PADI6: variants seen among roughly 807,000 people sequenced by gnomAD.
PADI6 encodes inactive protein-arginine deiminase type-6.
In PADI6, 66 loss-of-function variants were observed where a neutral mutation model predicts 78.2. The ratio of observed to expected loss-of-function variants is 0.84; its 90% confidence interval spans 0.69 to 1.04. The LOEUF (loss-of-function observed/expected upper bound fraction) is 1.04. Among genes scored for constraint, PADI6 ranks in the 50% least tolerant of loss-of-function variants. The pLI is 0.00. For missense variants in PADI6, 854 were observed against 866.1 expected, an observed-to-expected ratio of 0.99 and a Z score of 0.18; for synonymous variants, 397 against 346.9, an observed-to-expected ratio of 1.14 and a Z score of -1.60.
chr1:17,395,705 C>T, intron 13 of PADI6, 42 bp downstream of exon 13: 1 of 1,574,180 alleles, frequency 6.4e-7, no homozygotes, highest in Non-Finnish European at 8.7e-7. Context: ...TGGGGTCTTC[C>T]TTTTTCCAGG....
At chr1:17,395,301 T>A (rs1298135165) in intron 12 of PADI6, among the ~76,000 whole-genome samples, 194 bp downstream of exon 12, 2 of 151,744 alleles carry the variant, frequency 1.3e-5, no homozygotes, top group Admixed American at 1.3e-4. Context: ...CCTCCCGGAC[T>A]CAAGCAATTC....
chr1:17,375,400 T>G (rs776940235), intron 2 of PADI6, 27 bp from the exon 3 acceptor site: 1 of 1,600,038 alleles, frequency 6.2e-7, no homozygotes, highest in Non-Finnish European at 8.5e-7. Context: ...CAACACTGCC[T>G]ATGGTTTCGG....
rs1322708009 is a variant in PADI6 at position 17,398,769 on chromosome 1, C to G, written c.1773C>G (p.Phe591Leu). The G allele has an allele frequency of 6.2e-7, 1 of 1,611,558 alleles. No homozygotes were observed. ...ACATCATCGAGATTCCCCAGCTGTT[C>G]TGCTTGGAGAAGCTGACTAACATCC... ...EQDIIEIPQLFCLEKLTNIPS... is the reference protein window; with the variant it reads ...EQDIIEIPQLLCLEKLTNIPS... Residue 591 changes from phenylalanine to leucine, a missense_variant, in exon 15 of 16, where the codon TTC becomes TTG. Transcript: ENST00000619609.
intron 8 of PADI6, among the ~76,000 whole-genome samples, chr1:17,391,697 C>A (rs965270272): frequency 6.6e-6 from 1 of 152,202 alleles, no homozygotes. Context: ...GGCGTATAGT[C>A]CCAGCTACTG....
At chr1:17,377,237 C>T (rs1432010214) in intron 3 of PADI6, among the ~76,000 whole-genome samples, 2 of 152,198 alleles carry the variant, frequency 1.3e-5, no homozygotes, top group African/African-American at 4.8e-5. Flanking sequence ...ATCCTCCCGC[C>T]TCAGCCTCCC....
chr1:17,393,143 CAAAAG>C (rs1033161304), intron 9 of PADI6, among the ~76,000 whole-genome samples: 37 of 150,692 alleles, frequency 2.5e-4, no homozygotes, highest in African/African-American at 8.8e-4. Flanking sequence ...GAGACTGTCT[CAAAAG>C]AAAAAAAAAA....
At chr1:17,385,618 C>T (rs554718041) in intron 6 of PADI6, among the ~76,000 whole-genome samples, 50 of 152,070 alleles carry the variant, frequency 3.3e-4, no homozygotes, top group Non-Finnish European at 6.5e-4. Context: ...GAAATAAGGT[C>T]GTCGAAGAGA....
intron 4 of PADI6, among the ~76,000 whole-genome samples, chr1:17,380,739 G>A (rs2075065085): frequency 6.6e-6 from 1 of 152,148 alleles, no homozygotes; most frequent in Non-Finnish European, 1.5e-5. Flanking sequence ...TCTCCTAGAT[G>A]AGAGGATTAG....
Position 17,394,945 on chromosome 1 carries a change from T to C in PADI6, c.1338-6T>C. The C allele has an allele frequency of 1.2e-6, 2 of 1,606,512 alleles. No individual in the cohort carries two copies. Among genetic ancestry groups the C allele is most frequent in the South Asian group, 1.1e-5 (1 of 90,240 alleles). ...TCAAGAGCTGTTCTTTCCATCTTCCTTCTAGCGCAGAGGGCCGGGCCATGA... is the reference window on the plus strand; with the variant it reads ...TCAAGAGCTGTTCTTTCCATCTTCCCTCTAGCGCAGAGGGCCGGGCCATGA... On this transcript the variant is annotated splice_polypyrimidine_tract_variant and splice_region_variant and intron_variant, in intron 11 of 15. Coordinates refer to ENST00000619609, the MANE Select transcript of PADI6 (RefSeq NM_207421.4).
chr1:17,373,359 C>T, intron 2 of PADI6, 126 bp downstream of exon 2: 1 of 1,121,914 alleles, frequency 8.9e-7, no homozygotes, highest in Non-Finnish European at 1.3e-6. Context: ...CGTCTGATCT[C>T]ATCCAGTGTC....
intron 13 of PADI6, 50 bp downstream of exon 13, chr1:17,395,713 A>G (rs892517286): frequency 1.3e-6 from 2 of 1,568,498 alleles, no homozygotes; most frequent in African/African-American, 1.4e-5. Flanking sequence ...TCCTTTTTCC[A>G]GGGGTCCTTT....
intron 6 of PADI6, among the ~76,000 whole-genome samples, chr1:17,383,881 G>T (rs751494020): frequency 3.3e-5 from 5 of 151,758 alleles, no homozygotes; most frequent in African/African-American, 4.8e-5. Context: ...TGAGCACGGG[G>T]CTTATGCCTA....
At chr1:17,377,519 G>A (rs1470863458) in intron 3 of PADI6, among the ~76,000 whole-genome samples, 1 of 152,178 alleles carries the variant, frequency 6.6e-6, no homozygotes, top group Non-Finnish European at 1.5e-5. Context: ...TACCCAGCAT[G>A]ATCGCTTCGG....
chr1:17,380,032 C>A, intron 4 of PADI6, 45 bp downstream of exon 4: 1 of 1,580,660 alleles, frequency 6.3e-7, no homozygotes, highest in Non-Finnish European at 8.7e-7. Flanking sequence ...CCCTATAAGC[C>A]AAATCTGCCC....
rs748650699 is a variant in PADI6 at position 17,401,178 on chromosome 1, G to T, written c.1852-27G>T. The T allele has an allele frequency of 3.2e-5, 51 of 1,609,094 alleles. No individual in the cohort carries two copies. The South Asian group carries it at 4.7e-4, about 15-fold the overall frequency. On this transcript the variant is annotated intron_variant, in intron 15 of 15. Transcript: ENST00000619609. ...TTTCAGGCCTCTGATCCCTGTCCAG[G>T]CCTCACCCACCCTGTCTTTCTAACA...
At chr1:17,392,089 A>T in intron 8 of PADI6, 25 bp from the exon 9 acceptor site, 1 of 1,548,262 alleles carries the variant, frequency 6.5e-7, no homozygotes, top group African/African-American at 1.4e-5. Context: ...AAGCCTTCCC[A>T]GAACTGGCTT....
At chr1:17,394,528 C>T in intron 11 of PADI6, 74 bp downstream of exon 11, 1 of 1,488,984 alleles carries the variant, frequency 6.7e-7, no homozygotes, top group Non-Finnish European at 9.1e-7. Flanking sequence ...GCCTGCTTCC[C>T]ATAGCACCTC....
Position 17,394,376 on chromosome 1 carries a change from T to C in PADI6, c.1259T>C (p.Met420Thr), listed in dbSNP as rs768841667. Residue 420 changes from methionine to threonine, a missense_variant, in exon 11 of 16, where the codon ATG (methionine) becomes ACG (threonine). Coordinates refer to ENST00000619609, the MANE Select transcript of PADI6 (RefSeq NM_207421.4). ...VASMDSIGNL[M>T]VSPPVKVQGK... is the part of the protein sequence containing the mutation. Reference sequence around the variant, plus strand: ...AGCATGGATTCCATTGGGAACCTGATGGTGTCCCCACCTGTCAAGGTCCAA... The same window carrying C: ...AGCATGGATTCCATTGGGAACCTGACGGTGTCCCCACCTGTCAAGGTCCAA... The C allele has an allele frequency of 6.2e-7, 1 of 1,613,808 alleles. No individual in the cohort carries two copies. The highest frequency in any genetic ancestry group is 8.5e-7 in the Non-Finnish European group (1 of 1,179,832).
At chr1:17,400,364 A>G (rs941869537) in intron 15 of PADI6, among the ~76,000 whole-genome samples, 1 of 150,182 alleles carries the variant, frequency 6.7e-6, no homozygotes, top group Non-Finnish European at 1.5e-5. Context: ...AAAATTAGCC[A>G]GGTGTAGTGG....
Sources: allele counts gnomAD v4.1 joint callset (sites outside exome capture counted in the v4.1 genomes callset), GRCh38; gene constraint gnomAD v4.1.1; transcripts MANE v1.5; gene names NCBI Gene and HGNC (gene_info 2026-07-23, HGNC 2026-07-21).